JMJD1C: variants seen among roughly 807,000 people sequenced by gnomAD.
JMJD1C encodes the protein jumonji domain containing 1C, also known as jumonji domain-containing protein 1C.
A neutral mutation model predicts 245.3 loss-of-function variants in JMJD1C; 31 were observed. The observed-to-expected ratio is 0.13, with a 90% confidence interval of 0.09 to 0.17. The LOEUF is 0.17. JMJD1C is among the 10% of genes least tolerant of loss of function. JMJD1C has a pLI of 1.00. For missense variants in JMJD1C, 2,691 were observed against 3,000.2 expected (o/e 0.90, Z 2.41); for synonymous variants, 1,057 against 1,017.4 (o/e 1.04, Z -0.74).
At chr10:63,309,542 A>G (rs1435261692) in intron 2 of JMJD1C, among the ~76,000 whole-genome samples, 2 of 149,372 alleles carry the variant, frequency 1.3e-5, no homozygotes, top group African/African-American at 4.9e-5. Flanking sequence ...CTCTAAGATG[A>G]TAATAAAGGA....
intron 2 of JMJD1C, among the ~76,000 whole-genome samples, chr10:63,300,032 ACTG>A (rs2133985297): frequency 6.6e-6 from 1 of 152,326 alleles, no homozygotes; most frequent in African/African-American, 2.4e-5. Flanking sequence ...TACAATTAGA[ACTG>A]CTGATGATCT....
chr10:63,500,790 T>C (rs1236502373), intron 1 of JMJD1C, among the ~76,000 whole-genome samples: 1 of 151,342 alleles, frequency 6.6e-6, no homozygotes, highest in Admixed American at 6.6e-5. Flanking sequence ...GATGGATGGA[T>C]GGATGCACGG....
intron 2 of JMJD1C, among the ~76,000 whole-genome samples, chr10:63,333,552 G>C (rs1377965272): frequency 5.3e-5 from 8 of 152,050 alleles, no homozygotes; most frequent in African/African-American, 1.9e-4. Flanking sequence ...AAAAAAGAGA[G>C]AGAAAGAAAG....
intron 1 of JMJD1C, among the ~76,000 whole-genome samples, chr10:63,436,109 T>C (rs573415855): frequency 6.6e-6 from 1 of 152,334 alleles, no homozygotes; most frequent in African/African-American, 2.4e-5. Flanking sequence ...CAATATGCAA[T>C]ATGTAATCAC....
At chr10:63,319,601 T>C (rs76637437) in intron 2 of JMJD1C, among the ~76,000 whole-genome samples, 12,929 of 152,232 alleles carry the variant, frequency 0.085, 728 homozygotes, top group South Asian at 0.25. Context: ...TAGATTCCTA[T>C]CTTCTGGATG....
intron 2 of JMJD1C, among the ~76,000 whole-genome samples, chr10:63,319,796 G>A (rs1169093503): frequency 4.6e-5 from 7 of 152,010 alleles, no homozygotes; most frequent in East Asian, 1.9e-4. Flanking sequence ...ACAGAGTCTC[G>A]CTCTGTTGCC....
chr10:63,207,404 T>A lies in JMJD1C; in HGVS notation c.4265A>T (p.Asn1422Ile). Residue 1422 changes from asparagine (N) to isoleucine (I), a missense_variant, in exon 10 of 26, where the codon AAT becomes ATT. Asn to Ile is a moderately radical substitution (Grantham distance 149). Around this residue, in one of 9 missense-constraint regions of JMJD1C, gnomAD observed 1,562 missense variants for 1,490.7 expected, o/e 1.05. Transcript: ENST00000399262. ...TGATGATGTAGAGGCCAAAATGGTA[T>A]TTGATAAAGAGGAAATTACTTCTGA... ...GGSEVISSLS[N>I]TILASTSSEC... The A allele has an allele frequency of 6.2e-7, 1 of 1,614,152 alleles. No individual in the cohort carries two copies. The highest frequency in any genetic ancestry group is 1.3e-5 in the African/African-American group (1 of 75,046).
chr10:63,465,757 C>A lies in JMJD1C; in HGVS notation c.-95G>T. The A allele has an allele frequency of 1.4e-6, 2 of 1,422,760 alleles. No homozygotes were observed. The highest frequency in any genetic ancestry group is 2.3e-5 in the East Asian group (1 of 43,002). The allele number at this position is 1,422,760 out of a possible 1,614,324, so 88.1% of individuals were successfully genotyped here. ...GCCGCTCATGCTGAGGAGAGCGGAC[C>A]GGGACACAGCAGCGGACCCGAAAGA... On this transcript the variant is annotated 5_prime_UTR_variant, in exon 1 of 26. Transcript: ENST00000399262.
chr10:63,219,900 C>T lies in JMJD1C; in HGVS notation c.531G>A (p.Lys177=). The T allele has an allele frequency of 6.2e-7, 1 of 1,613,462 alleles. No homozygotes were observed. Among genetic ancestry groups the T allele is most frequent in the Non-Finnish European group, 8.5e-7 (1 of 1,179,516 alleles). Residue 177 remains lysine (K), a synonymous_variant, in exon 4 of 26, where the codon AAG becomes AAA. Coordinates refer to ENST00000399262, the MANE Select transcript of JMJD1C (RefSeq NM_032776.3). ...EEVKVWVKEQ[K]VQEIFMQGPY... ...TACCTTGCATAAAAATCTCCTGAAC[C>T]TTTTGTTCCTTTACCCAGACTTTCA...
At chr10:63,230,784 AAAAT>A (rs1397669602) in intron 3 of JMJD1C, among the ~76,000 whole-genome samples, 1 of 151,602 alleles carries the variant, frequency 6.6e-6, no homozygotes, top group African/African-American at 2.4e-5. Flanking sequence ...CCCCCCAAAA[AAAAT>A]AAATAAAAAA....
intron 1 of JMJD1C, among the ~76,000 whole-genome samples, chr10:63,439,022 A>G (rs1951211666): frequency 6.6e-6 from 1 of 152,208 alleles, no homozygotes; most frequent in South Asian, 2.1e-4. Context: ...CCAGTGCCTG[A>G]TATGTACAAG....
intron 24 of JMJD1C, among the ~76,000 whole-genome samples, chr10:63,170,745 C>T (rs541576037): frequency 6.6e-6 from 1 of 152,220 alleles, no homozygotes; most frequent in East Asian, 1.9e-4. Context: ...TCCTAATGAC[C>T]CCTACCTGAT....
In JMJD1C at chr10:63,217,348, G is replaced by C. The variant is rs540514373; in HGVS notation, c.554-17C>G. 6.3e-5 allele frequency: 96 copies of C among 1,535,580 alleles called. 2 individuals carry two copies. In the South Asian group the frequency reaches 1.2e-3, roughly 18 times the overall value. On this transcript the variant is annotated splice_polypyrimidine_tract_variant and intron_variant, in intron 4 of 25. Coordinates refer to ENST00000399262, the MANE Select transcript of JMJD1C (RefSeq NM_032776.3). The stretch of plus-strand genomic sequence containing the variant: ...AATAAGGACCTTAAAAAAAACACAA[G>C]AAACAGAAACATCTTAAATGGAGAC...
intron 2 of JMJD1C, among the ~76,000 whole-genome samples, chr10:63,335,001 C>T (rs1942555165): frequency 7.1e-6 from 1 of 141,534 alleles, no homozygotes; most frequent in Non-Finnish European, 1.5e-5. Context: ...AGCCACCATG[C>T]CCAGCCAAGA....
At position 63,186,668 on chromosome 10, in the gene JMJD1C, G is replaced by A. The variant is rs76991447; in HGVS notation, c.6571-285C>T. The stretch of plus-strand genomic sequence containing the variant: ...CCCTCACAGCTTTCTTACACTTGGT[G>A]GCGGAGGGTAGATGTCCTCTCCACC... On this transcript the variant is annotated intron_variant, in intron 18 of 25. Coordinates refer to ENST00000399262, the MANE Select transcript of JMJD1C (RefSeq NM_032776.3). Among the ~76,000 whole-genome samples the A allele has an allele frequency of 4.7e-3, 715 of 152,280 alleles. 5 individuals are homozygous for A. Among genetic ancestry groups the A allele is most frequent in the Middle Eastern group, 0.014 (4 of 294 alleles).
intron 1 of JMJD1C, among the ~76,000 whole-genome samples, chr10:63,456,042 T>C (rs1289359295): frequency 6.6e-6 from 1 of 152,136 alleles, no homozygotes; most frequent in African/African-American, 2.4e-5. Flanking sequence ...ACTATGTGTA[T>C]ATGTTTGTAT....
At chr10:63,361,320 G>A (rs534995620) in intron 2 of JMJD1C, among the ~76,000 whole-genome samples, 98 of 152,270 alleles carry the variant, frequency 6.4e-4, no homozygotes, top group Admixed American at 3.6e-3. Flanking sequence ...CTACTTGGGA[G>A]GCTGAGGCAG....
At chr10:63,311,071 T>A (rs1939116683) in intron 2 of JMJD1C, among the ~76,000 whole-genome samples, 1 of 151,944 alleles carries the variant, frequency 6.6e-6, no homozygotes. Context: ...ATGGGTATGA[T>A]CTAAACTCAG....
intron 1 of JMJD1C, among the ~76,000 whole-genome samples, chr10:63,396,874 T>C (rs940859924): frequency 6.6e-6 from 1 of 150,694 alleles, no homozygotes; most frequent in Non-Finnish European, 1.5e-5. Flanking sequence ...TTCATAGAAA[T>C]TTTCATTTTT....
Sources: allele counts gnomAD v4.1 joint callset (sites outside exome capture counted in the v4.1 genomes callset), GRCh38; gene constraint gnomAD v4.1.1; regional missense constraint gnomAD v4.1.1; transcripts MANE v1.5; gene names NCBI Gene and HGNC (gene_info 2026-07-23, HGNC 2026-07-21).